Variants in SLAMF9 observed in about 807,000 individuals in gnomAD.
The protein encoded by SLAMF9 is SLAM family member 9.
In SLAMF9, 25 loss-of-function variants were observed where a neutral mutation model predicts 30.4. The observed-to-expected ratio is 0.82, with a 90% CI of 0.60 to 1.15. The LOEUF is 1.15. Ranked by LOEUF, SLAMF9 falls within the 50% of genes most tolerant of loss-of-function variation. The probability of loss-of-function intolerance (pLI) is 0.00; values close to 1 mark genes in which losing one functional copy is unlikely to be tolerated. For synonymous variants in SLAMF9, 129 were observed against 127.2 expected (o/e 1.01, Z -0.09); for missense variants, 344 against 346.1 (o/e 0.99, Z 0.05).
the SLAMF9 span, among the ~76,000 whole-genome samples, chr1:159,982,361 A>G: frequency 1.3e-5 from 2 of 152,148 alleles, no homozygotes; most frequent in Admixed American, 1.3e-4. Context: ...CTGTGGACAT[A>G]TAACGCCTCC....
chr1:159,966,737 G>A, the SLAMF9 span, among the ~76,000 whole-genome samples: 3 of 152,058 alleles, frequency 2.0e-5, no homozygotes, highest in African/African-American at 4.8e-5. Context: ...ATTTTTTAAT[G>A]AACCTGTTAG....
At chr1:159,967,711 T>C in the SLAMF9 span, among the ~76,000 whole-genome samples, 1 of 152,228 alleles carries the variant, frequency 6.6e-6, no homozygotes, top group African/African-American at 2.4e-5. Flanking sequence ...ATTATAACAG[T>C]ATTAACTTTT....
the SLAMF9 span, among the ~76,000 whole-genome samples, chr1:159,974,432 T>C: frequency 1.3e-5 from 2 of 152,204 alleles, no homozygotes; most frequent in Non-Finnish European, 2.9e-5. Flanking sequence ...CCTGAACAGA[T>C]TCCAATTTCT....
At chr1:159,973,214 G>T in the SLAMF9 span, 2 of 1,298,664 alleles carry the variant, frequency 1.5e-6, no homozygotes, top group African/African-American at 1.5e-5. Flanking sequence ...GACATCTCAG[G>T]GTAACCAGGC....
At chr1:159,973,158 G>T in the SLAMF9 span, 1 of 1,534,152 alleles carries the variant, frequency 6.5e-7, no homozygotes, top group Non-Finnish European at 9.0e-7. Flanking sequence ...CTTGTGGAAG[G>T]AGAAAAGGAG....
At chr1:159,971,473 G>T in the SLAMF9 span, among the ~76,000 whole-genome samples, 1 of 152,204 alleles carries the variant, frequency 6.6e-6, no homozygotes, top group Non-Finnish European at 1.5e-5. Context: ...CCCTCAGGGA[G>T]AAGTCCAGGG....
Position 159,954,078 on chromosome 1 carries a change from G to A in SLAMF9, c.46+14C>T, listed in dbSNP as rs1424798331. ...AGGGGACATTCCTGTGCACGAGCTG[G>A]CAGCTTCACTCACCCTCCTGGAGCA... On this transcript the variant is annotated intron_variant, in intron 1 of 3. Transcript: ENST00000368093. 2.5e-6 allele frequency: 4 copies of A among 1,613,858 alleles called. No homozygotes were observed. Among genetic ancestry groups the A allele is most frequent in the Admixed American group, 1.7e-5 (1 of 60,000 alleles).
chr1:159,959,451 G>C, the SLAMF9 span, among the ~76,000 whole-genome samples: 1 of 151,964 alleles, frequency 6.6e-6, no homozygotes, highest in African/African-American at 2.4e-5. Context: ...AACCAAGCAG[G>C]CTGTGTCTCA....
At chr1:159,974,051 G>T in the SLAMF9 span, 1 of 1,599,838 alleles carries the variant, frequency 6.3e-7, no homozygotes, top group Non-Finnish European at 8.6e-7. Context: ...GCCAGGCTTG[G>T]AGGTACAGCC....
the SLAMF9 span, chr1:159,972,943 C>T: frequency 9.6e-7 from 1 of 1,040,600 alleles, no homozygotes; most frequent in Non-Finnish European, 1.3e-6. Flanking sequence ...CCAGGGGGTC[C>T]CACTGCATGA....
intron 3 of SLAMF9, 64 bp downstream of exon 3, chr1:159,952,198 G>A: frequency 3.2e-6 from 5 of 1,571,988 alleles, no homozygotes; most frequent in Non-Finnish European, 4.4e-6. Flanking sequence ...AGCTGGGGGA[G>A]GGAGATGGTG....
In SLAMF9 at chr1:159,951,704, A is replaced by G. The variant is rs1651750080; in HGVS notation, c.827T>C (p.Met276Thr). 2 of 1,613,996 alleles carry G rather than the reference A, an allele frequency of 1.2e-6. No individual in the cohort carries two copies. The highest frequency in any genetic ancestry group is 1.7e-5 in the Admixed American group (1 of 60,002). Residue 276 changes from methionine to threonine, a missense_variant, in exon 4 of 4, where the codon ATG becomes ACG. Met to Thr is a moderately conservative substitution (Grantham distance 81). Coordinates refer to ENST00000368093, the MANE Select transcript of SLAMF9 (RefSeq NM_033438.4). The part of the protein sequence containing the change: ...PRMKKLMRNR[M>T]KLRKEAKPGS... ...AGGCTTTGCCTCCTTCCTCAATTTC[A>G]TTCTGTTTCTCATGAGTTTCTTCAT...
the SLAMF9 span, chr1:159,978,698 G>A: frequency 3.9e-5 from 6 of 152,192 alleles, no homozygotes; most frequent in Admixed American, 2.6e-4. Context: ...GGTAACCAAG[G>A]ACAGACCCCA....
At chr1:159,966,224 G>A in the SLAMF9 span, among the ~76,000 whole-genome samples, 1 of 151,978 alleles carries the variant, frequency 6.6e-6, no homozygotes, top group Admixed American at 6.5e-5. Context: ...TCTGTGCCTG[G>A]CTTATTTCAC....
chr1:159,965,493 C>T, the SLAMF9 span: 5 of 152,338 alleles, frequency 3.3e-5, no homozygotes, highest in Admixed American at 1.3e-4. Context: ...TGGTATCCAT[C>T]TCCAGCGAGG....
the SLAMF9 span, among the ~76,000 whole-genome samples, chr1:159,980,249 C>T: frequency 6.6e-6 from 1 of 152,192 alleles, no homozygotes; most frequent in African/African-American, 2.4e-5. Context: ...GGACCTGCTC[C>T]TGTCAGGGGG....
At chr1:159,969,439 T>C in the SLAMF9 span, among the ~76,000 whole-genome samples, 1 of 152,122 alleles carries the variant, frequency 6.6e-6, no homozygotes, top group Non-Finnish European at 1.5e-5. Flanking sequence ...AGAAACTCAA[T>C]ATGATAAAAA....
At chr1:159,954,836 T>C (rs1390386041), upstream of SLAMF9, among the ~76,000 whole-genome samples, 1 of 152,184 alleles carries the variant, frequency 6.6e-6, no homozygotes, top group African/African-American at 2.4e-5. Context: ...CCCAGCACTT[T>C]GGGAGGCCGA....
At chr1:159,951,988 C>A (rs993211655) in intron 3 of SLAMF9, 122 bp from the exon 4 acceptor site, 6 of 811,170 alleles carry the variant, frequency 7.4e-6, no homozygotes, top group African/African-American at 1.7e-5. Context: ...AGTCCCCTTG[C>A]AAGTGTCTCT....
Sources: allele counts gnomAD v4.1 joint callset (sites outside exome capture counted in the v4.1 genomes callset), GRCh38; gene constraint gnomAD v4.1.1; transcripts MANE v1.5; gene names NCBI Gene and HGNC (gene_info 2026-07-23, HGNC 2026-07-21).